COL8A1: variants seen among roughly 807,000 people sequenced by gnomAD.
The protein encoded by COL8A1 is collagen alpha-1(VIII) chain.
A neutral mutation model predicts 42.7 loss-of-function variants in COL8A1; 21 were observed. The ratio of observed to expected loss-of-function variants is 0.49; its 90% CI spans 0.35 to 0.71. The LOEUF (loss-of-function observed/expected upper bound fraction) is 0.71. Ranked by LOEUF, COL8A1 falls within the 30% of genes least tolerant of loss-of-function variation. The pLI, the probability that COL8A1 is intolerant of heterozygous loss-of-function variation, is 0.01. For missense variants in COL8A1, 788 were observed against 962.4 expected (o/e 0.82, Z 2.40); for synonymous variants, 367 against 369.1 (o/e 0.99, Z 0.06).
At chr3:99,724,442 G>T (rs1437499301) in intron 1 of COL8A1, among the ~76,000 whole-genome samples, 1 of 152,066 alleles carries the variant, frequency 6.6e-6, no homozygotes, top group Non-Finnish European at 1.5e-5. Flanking sequence ...AGAGCAGTCT[G>T]CCATTGCCCA....
rs9841053 is a variant in COL8A1, at chr3:99,782,246, G to A, written c.-3-8434G>A. Among the ~76,000 whole-genome samples the A allele has an allele frequency of 5.0e-3, 768 of 152,160 alleles. 6 individuals are homozygous for A. The highest frequency in any genetic ancestry group is 0.017 in the African/African-American group (725 of 41,480). Reference sequence around the variant, plus strand: ...CCAGAGGAATATTTAAGGGGGGTAGGGGGTGTACAAACTCTCCATCATTAT... The same window carrying A: ...CCAGAGGAATATTTAAGGGGGGTAGAGGGTGTACAAACTCTCCATCATTAT... On this transcript the variant is annotated intron_variant, in intron 2 of 3. Coordinates refer to ENST00000652472, the MANE Select transcript of COL8A1 (RefSeq NM_020351.4).
At chr3:99,786,155 A>T (rs941261760) in intron 2 of COL8A1, among the ~76,000 whole-genome samples, 5 of 152,118 alleles carry the variant, frequency 3.3e-5, no homozygotes, top group African/African-American at 4.8e-5. Context: ...TCCAAAATTT[A>T]CTTCCTCAGA....
At chr3:99,781,372 C>T (rs1941790574) in intron 2 of COL8A1, among the ~76,000 whole-genome samples, 1 of 152,052 alleles carries the variant, frequency 6.6e-6, no homozygotes, top group Non-Finnish European at 1.5e-5. Context: ...TTTCCAAGTG[C>T]TATTGATATG....
chr3:99,774,243 T>C (rs1941648777), intron 2 of COL8A1, among the ~76,000 whole-genome samples: 1 of 151,108 alleles, frequency 6.6e-6, no homozygotes, highest in Admixed American at 6.6e-5. Flanking sequence ...GCAGTAAGAA[T>C]CTAGTATGGT....
At chr3:99,638,972 T>C (rs1202496196) in intron 1 of COL8A1, among the ~76,000 whole-genome samples, 1 of 152,218 alleles carries the variant, frequency 6.6e-6, no homozygotes, top group Admixed American at 6.5e-5. Flanking sequence ...CTGACGTTTT[T>C]CACTGTACAT....
chr3:99,680,968 C>T (rs1205221393), intron 1 of COL8A1, among the ~76,000 whole-genome samples: 1 of 152,116 alleles, frequency 6.6e-6, no homozygotes. Context: ...CCCTTCCTTA[C>T]ACCTTATACA....
intron 1 of COL8A1, among the ~76,000 whole-genome samples, chr3:99,711,318 A>G (rs1939830250): frequency 6.6e-6 from 1 of 152,182 alleles, no homozygotes; most frequent in Non-Finnish European, 1.5e-5. Flanking sequence ...GAATTGAACT[A>G]GAGTCTGAAA....
rs111615096 is a variant in COL8A1, at chr3:99,643,095, A to T, written c.-129+4431A>T. ...AAAGATTAATGTCTTTCCCCAGGCC[A>T]CCCAGATGAGTACAGCACACCCAAG... On this transcript the variant is annotated intron_variant, in intron 1 of 3. Transcript: ENST00000652472. 3.9e-5 allele frequency among the ~76,000 whole-genome samples: 6 copies of T among 152,330 alleles called. 1 individual carries two copies. The highest frequency in any genetic ancestry group is 1.2e-4 in the African/African-American group (5 of 41,576).
At chr3:99,756,764 G>C (rs1389015688) in intron 2 of COL8A1, among the ~76,000 whole-genome samples, 1 of 152,038 alleles carries the variant, frequency 6.6e-6, no homozygotes, top group Non-Finnish European at 1.5e-5. Context: ...CGTCACCTAA[G>C]CATGATCAAG....
chr3:99,674,670 T>A (rs1487186989), intron 1 of COL8A1, among the ~76,000 whole-genome samples: 1 of 152,110 alleles, frequency 6.6e-6, no homozygotes, highest in Non-Finnish European at 1.5e-5. Flanking sequence ...GGAATGTAAT[T>A]GAGCTCACAA....
In COL8A1 at chr3:99,777,421, A is replaced by G. The variant is rs565811321; in HGVS notation, c.-3-13259A>G. Among the ~76,000 whole-genome samples the G allele has an allele frequency of 4.6e-5, 7 of 152,296 alleles. No individual in the cohort carries two copies. In the East Asian group the frequency reaches 1.4e-3, roughly 29 times the overall value. On this transcript the variant is annotated intron_variant, in intron 2 of 3. Transcript: ENST00000652472. ...ATAAAATATAAAAGATGGGGAAAGT[A>G]AAATAAATTGCAGACTGCACAAAGT...
At chr3:99,696,713 G>A (rs1398041372) in intron 1 of COL8A1, among the ~76,000 whole-genome samples, 1 of 152,150 alleles carries the variant, frequency 6.6e-6, no homozygotes, top group Non-Finnish European at 1.5e-5. Context: ...AATTAATGCA[G>A]CATCATAACA....
chr3:99,762,832 G>T (rs1251477149), intron 2 of COL8A1, among the ~76,000 whole-genome samples: 3 of 152,164 alleles, frequency 2.0e-5, no homozygotes, highest in African/African-American at 4.8e-5. Context: ...CAATCCTTTG[G>T]CTTCTCACCC....
chr3:99,747,835 T>C (rs1056795797), intron 2 of COL8A1, among the ~76,000 whole-genome samples: 4 of 152,154 alleles, frequency 2.6e-5, no homozygotes, highest in Admixed American at 2.0e-4. Flanking sequence ...CTTTTAAAAA[T>C]AAAAAGAAAT....
intron 2 of COL8A1, among the ~76,000 whole-genome samples, chr3:99,749,617 G>A (rs1256294292): frequency 6.6e-6 from 1 of 151,948 alleles, no homozygotes; most frequent in Non-Finnish European, 1.5e-5. Flanking sequence ...GTTCTAAAGG[G>A]TTTCTTTATG....
chr3:99,705,103 T>A (rs923550132), intron 1 of COL8A1, among the ~76,000 whole-genome samples: 1 of 152,196 alleles, frequency 6.6e-6, no homozygotes, highest in Non-Finnish European at 1.5e-5. Flanking sequence ...CACCTTTTTT[T>A]CTTCTGGCCT....
intron 2 of COL8A1, among the ~76,000 whole-genome samples, chr3:99,765,595 T>C (rs576847843): frequency 1.3e-5 from 2 of 152,370 alleles, no homozygotes; most frequent in African/African-American, 4.8e-5. Flanking sequence ...TTCTTCAATG[T>C]AAAGCTTGGA....
chr3:99,733,584 T>A (rs1223449256), intron 1 of COL8A1, among the ~76,000 whole-genome samples: 1 of 152,114 alleles, frequency 6.6e-6, no homozygotes, highest in Admixed American at 6.5e-5. Flanking sequence ...GTCTTTGCTA[T>A]TGTGAATAAT....
intron 1 of COL8A1, among the ~76,000 whole-genome samples, chr3:99,684,342 A>C (rs1368811812): frequency 6.6e-6 from 1 of 152,218 alleles, no homozygotes; most frequent in East Asian, 1.9e-4. Context: ...AAAATTGGAC[A>C]AATTTCCTAA....
Sources: gnomAD v4.1 joint callset for allele counts (sites outside exome capture counted in the v4.1 genomes callset) on GRCh38, gnomAD v4.1.1 for gene constraint, MANE v1.5 for transcripts, NCBI Gene and HGNC (gene_info 2026-07-23, HGNC 2026-07-21) for gene names.